Variants in RGS20 observed in about 807,000 individuals in gnomAD.
RGS20 encodes the protein regulator of G protein signaling 20, also known as gz-selective GTPase-activating protein.
A neutral mutation model predicts 33.6 loss-of-function variants in RGS20; 30 were observed. That is an observed-to-expected ratio of 0.89 (90% confidence interval 0.67 to 1.21). RGS20 has a LOEUF of 1.21. RGS20 is among the 50% of genes most tolerant of loss of function. The pLI, the probability that RGS20 is intolerant of heterozygous loss-of-function variation, is 0.00. For synonymous variants in RGS20, 208 were observed against 197.9 expected, an observed-to-expected ratio of 1.05 and a Z score of -0.43; for missense variants, 472 against 502.4, an observed-to-expected ratio of 0.94 and a Z score of 0.58.
chr8:53,939,869 A>G, intron 3 of RGS20, 145 bp downstream of exon 2: 1 of 914,610 alleles, frequency 1.1e-6, no homozygotes, highest in Non-Finnish European at 1.6e-6. Flanking sequence ...TGCCTGACAC[A>G]CAGGGACACC....
intron 2 of RGS20, chr8:53,880,966 G>T: frequency 6.3e-7 from 1 of 1,582,182 alleles, no homozygotes; most frequent in Non-Finnish European, 8.5e-7. Context: ...CGCCGACGTA[G>T]AGAGGGCAGC....
intron 1 of RGS20, among the ~76,000 whole-genome samples, chr8:53,861,372 A>C (rs889247420): frequency 1.3e-5 from 2 of 152,222 alleles, no homozygotes; most frequent in Non-Finnish European, 2.9e-5. Context: ...GGGTCATCGG[A>C]TAAACACCCA....
intron 4 of RGS20, among the ~76,000 whole-genome samples, chr8:53,952,098 G>C (rs1814723679): frequency 6.9e-6 from 1 of 144,512 alleles, no homozygotes. Flanking sequence ...ATTTTTTTGA[G>C]ACAGAGTCTT....
chr8:53,894,024 AACATT>A (rs1812786397), intron 2 of RGS20, among the ~76,000 whole-genome samples: 3 of 152,232 alleles, frequency 2.0e-5, no homozygotes, highest in African/African-American at 7.2e-5. Flanking sequence ...AGGTAGATAA[AACATT>A]TGTTAAAATC....
At chr8:53,906,244 C>T (rs1813170197) in intron 2 of RGS20, among the ~76,000 whole-genome samples, 1 of 152,088 alleles carries the variant, frequency 6.6e-6, no homozygotes, top group African/African-American at 2.4e-5. Context: ...AGCATGGTGG[C>T]ACGTGCCTAC....
chr8:53,880,823 C>T, intron 2 of RGS20, 49 bp from the exon 1 acceptor site: 1 of 1,360,930 alleles, frequency 7.3e-7, no homozygotes, highest in Non-Finnish European at 9.5e-7. Context: ...GGAGGCGAGA[C>T]GTGGGATTGC....
rs73680338 is a variant in RGS20 at position 53,871,824 on chromosome 8, C to T, written c.166-7434C>T. On this transcript the variant is annotated intron_variant, in intron 1 of 5. Coordinates refer to ENST00000297313, the MANE Select transcript of RGS20 (RefSeq NM_170587.4). ...TCCTTAAATTGATTCAGTCTTCTAT[C>T]TCTCTGACTCTCCCTCTGTTTCCTG... 4.9e-3 allele frequency among the ~76,000 whole-genome samples: 748 copies of T among 152,208 alleles called. 6 individuals carry two copies. The highest frequency in any genetic ancestry group is 0.017 in the African/African-American group (710 of 41,518).
At position 53,881,004 on chromosome 8, in the gene RGS20, C is replaced by T. The variant is rs772723951; in HGVS notation, c.510+1402C>T. 18 of 1,594,920 alleles carry T rather than the reference C, an allele frequency of 1.1e-5. No homozygotes were observed. In the African/African-American group the frequency reaches 2.3e-4, roughly 20 times the overall value. ...TCCGCGCTGCAATATTGAGAAGGCA[C>T]CCGCGGGACGCATGCGCACGGCGGA... On this transcript the variant is annotated intron_variant, in intron 2 of 5. Coordinates refer to ENST00000297313, the MANE Select transcript of RGS20 (RefSeq NM_170587.4).
At chr8:53,879,793 C>G (rs1032819887) in intron 2 of RGS20, 12 of 484,232 alleles carry the variant, frequency 2.5e-5, no homozygotes, top group Middle Eastern at 5.2e-4. Context: ...GACACCGCCC[C>G]TCCCCGCGGG....
intron 2 of RGS20, among the ~76,000 whole-genome samples, chr8:53,931,472 T>G (rs1352421957): frequency 6.6e-6 from 1 of 152,086 alleles, no homozygotes; most frequent in African/African-American, 2.4e-5. Context: ...GGAAAATTGT[T>G]TGAAACTGAG....
At chr8:53,944,104 A>C (rs1814392432) in intron 3 of RGS20, among the ~76,000 whole-genome samples, 1 of 152,206 alleles carries the variant, frequency 6.6e-6, no homozygotes, top group Non-Finnish European at 1.5e-5. Context: ...TATAATAAAG[A>C]ATATAGAAAA....
At chr8:53,911,188 C>T (rs1394871314) in intron 2 of RGS20, among the ~76,000 whole-genome samples, 2 of 152,156 alleles carry the variant, frequency 1.3e-5, no homozygotes, top group Admixed American at 6.6e-5. Context: ...TAAAAACCAG[C>T]AGTGACTGAA....
chr8:53,917,207 G>T (rs1762844504), intron 2 of RGS20, among the ~76,000 whole-genome samples: 2 of 152,104 alleles, frequency 1.3e-5, no homozygotes, highest in African/African-American at 4.8e-5. Flanking sequence ...GAGTGCAGTG[G>T]TGCGATCTCA....
chr8:53,880,619 C>T (rs1363856841), intron 2 of RGS20, among the ~76,000 whole-genome samples: 1 of 152,218 alleles, frequency 6.6e-6, no homozygotes, highest in Non-Finnish European at 1.5e-5. Flanking sequence ...CGGCCCCGCG[C>T]GCCGAGGGGA....
At chr8:53,902,128 C>T (rs372065095) in intron 2 of RGS20, among the ~76,000 whole-genome samples, 216 of 152,232 alleles carry the variant, frequency 1.4e-3, no homozygotes, top group African/African-American at 5.0e-3. Flanking sequence ...AGGAATTCTC[C>T]CACCTAAGCC....
chr8:53,947,166 A>ATG (rs1814511316), intron 4 of RGS20, among the ~76,000 whole-genome samples: 4 of 146,156 alleles, frequency 2.7e-5, no homozygotes, highest in African/African-American at 9.9e-5. Context: ...ATATTTATAC[A>ATG]CTCTATATAA....
At chr8:53,909,938 C>T (rs1813308064) in intron 2 of RGS20, among the ~76,000 whole-genome samples, 1 of 152,060 alleles carries the variant, frequency 6.6e-6, no homozygotes, top group Non-Finnish European at 1.5e-5. Flanking sequence ...TCTAGAGTGT[C>T]TGAGACTGGG....
At chr8:53,873,636 T>G (rs1386207408) in intron 1 of RGS20, among the ~76,000 whole-genome samples, 1 of 152,232 alleles carries the variant, frequency 6.6e-6, no homozygotes, top group Non-Finnish European at 1.5e-5. Context: ...AAATATTAAT[T>G]GAGTAGTTTA....
intron 2 of RGS20, among the ~76,000 whole-genome samples, chr8:53,911,965 T>C (rs1054792427): frequency 9.9e-5 from 15 of 151,854 alleles, no homozygotes; most frequent in African/African-American, 3.6e-4. Flanking sequence ...AATAAAAAGA[T>C]GGAACATTTC....
Sources: gnomAD v4.1 joint callset for allele counts (sites outside exome capture counted in the v4.1 genomes callset) on GRCh38, gnomAD v4.1.1 for gene constraint, MANE v1.5 for transcripts, NCBI Gene and HGNC (gene_info 2026-07-23, HGNC 2026-07-21) for gene names.